Variants in CCDC18 observed in about 807,000 individuals in gnomAD.
The protein encoded by CCDC18 is coiled-coil domain containing 18, also known as coiled-coil domain-containing protein 18.
CCDC18 carries 157 observed loss-of-function variants against 196.0 expected under a neutral mutation model. The observed-to-expected ratio is 0.80, with a 90% CI of 0.70 to 0.91. The LOEUF is 0.91. Among genes scored for constraint, CCDC18 ranks in the 40% least tolerant of loss-of-function variants. The probability of loss-of-function intolerance (pLI) is 0.00; values close to 1 mark genes in which losing one functional copy is unlikely to be tolerated. For missense variants in CCDC18, 1,465 were observed against 1,611.6 expected (o/e 0.91, Z 1.56); for synonymous variants, 482 against 529.2 (o/e 0.91, Z 1.22).
intron 19 of CCDC18, among the ~76,000 whole-genome samples, chr1:93,238,825 G>A (rs1344748166): frequency 1.3e-5 from 2 of 152,128 alleles, no homozygotes; most frequent in Non-Finnish European, 2.9e-5. Context: ...GTAAAGCAGG[G>A]AAGTTGCACT....
intron 4 of CCDC18, chr1:93,191,203 A>G (rs1254012545): frequency 4.9e-6 from 2 of 407,918 alleles, no homozygotes; most frequent in Non-Finnish European, 4.6e-6. Flanking sequence ...ACCGTTTTAT[A>G]TTAATTCCCT....
upstream of CCDC18, chr1:93,180,107 C>T (rs749273556): frequency 6.2e-7 from 1 of 1,613,804 alleles, no homozygotes; most frequent in Non-Finnish European, 8.5e-7. Flanking sequence ...TAGAAGCACT[C>T]CTTCTGGCCG....
chr1:93,276,321 G>T (rs112019690), intron 28 of CCDC18, among the ~76,000 whole-genome samples: 1 of 152,088 alleles, frequency 6.6e-6, no homozygotes, highest in Non-Finnish European at 1.5e-5. Context: ...AAAAGCTTCA[G>T]AACTCAAAAA....
intron 11 of CCDC18, among the ~76,000 whole-genome samples, chr1:93,213,571 A>G (rs1376218797): frequency 2.0e-5 from 3 of 151,150 alleles, no homozygotes; most frequent in Non-Finnish European, 4.4e-5. Context: ...TTGTATTTTC[A>G]TTTTCATTCA....
chr1:93,188,922 C>T (rs1651219294), intron 4 of CCDC18, among the ~76,000 whole-genome samples: 1 of 152,112 alleles, frequency 6.6e-6, no homozygotes, highest in Non-Finnish European at 1.5e-5. Context: ...ATAATAATCG[C>T]ATCATGGAGA....
At chr1:93,270,256 G>C in intron 27 of CCDC18, 91 bp from the exon 28 acceptor site, 1 of 741,054 alleles carries the variant, frequency 1.3e-6, no homozygotes, top group Middle Eastern at 2.4e-4. Flanking sequence ...TGGGACAAAG[G>C]TTGACTTTCT....
rs1650079640 is a variant in CCDC18, at chr1:93,183,447, T to C, written c.86T>C (p.Leu29Pro). Residue 29 changes from leucine to proline, a missense_variant, in exon 2 of 29, where the codon CTG becomes CCG. Transcript: ENST00000690025. ...LANVASLRHELKITEWSLQSL... is the reference protein window; with the variant it reads ...LANVASLRHEPKITEWSLQSL... ...AATGTTGCTTCCTTAAGACATGAAC[T>C]GAAGATAACAGAATGGAGTTTGCAG... The C allele has an allele frequency of 2.5e-6, 4 of 1,607,586 alleles. No individual in the cohort carries two copies. Among genetic ancestry groups the C allele is most frequent in the African/African-American group, 1.3e-5 (1 of 74,732 alleles).
intron 14 of CCDC18, among the ~76,000 whole-genome samples, chr1:93,220,973 T>C (rs1657346593): frequency 6.6e-6 from 1 of 152,258 alleles, no homozygotes; most frequent in Non-Finnish European, 1.5e-5. Flanking sequence ...TTCCTTTTTA[T>C]GGCTGCATAG....
At chr1:93,255,181 G>C (rs1662792326) in intron 24 of CCDC18, among the ~76,000 whole-genome samples, 1 of 151,992 alleles carries the variant, frequency 6.6e-6, no homozygotes, top group Non-Finnish European at 1.5e-5. Context: ...TTGAACTCCT[G>C]ACCTTGTGAT....
chr1:93,229,382 C>G (rs1356241261), intron 17 of CCDC18, among the ~76,000 whole-genome samples: 1 of 152,300 alleles, frequency 6.6e-6, no homozygotes, highest in African/African-American at 2.4e-5. Flanking sequence ...AGAGAAAATT[C>G]TTTCTAATGT....
chr1:93,193,678 A>C lies in CCDC18; in HGVS notation c.632A>C (p.Gln211Pro), dbSNP rs768064214. 6.3e-7 allele frequency: 1 copy of C among 1,591,994 alleles called. No individual in the cohort carries two copies. Among genetic ancestry groups the C allele is most frequent in the East Asian group, 2.3e-5 (1 of 43,292 alleles). Residue 211 changes from glutamine to proline, a missense_variant, in exon 6 of 29, where the codon CAG becomes CCG. Gln to Pro is a moderately conservative substitution (Grantham distance 76). Coordinates refer to ENST00000690025, the MANE Select transcript of CCDC18 (RefSeq NM_001378204.1). ...KMVIEKEQSL[Q>P]ESKEECIKLK... ...GTAATTGAAAAGGAACAGAGTTTGC[A>C]GGAGTCCAAAGAGGAATGTATAAAA...
chr1:93,180,495 G>A (rs1477142733), upstream of CCDC18: 20 of 1,527,436 alleles, frequency 1.3e-5, no homozygotes, highest in Admixed American at 3.9e-4. Flanking sequence ...AGGCGTGAGC[G>A]CCGCCCGCCT....
intron 12 of CCDC18, among the ~76,000 whole-genome samples, chr1:93,215,460 T>A (rs935308349): frequency 6.6e-6 from 1 of 151,316 alleles, no homozygotes; most frequent in Non-Finnish European, 1.5e-5. Context: ...TTTTTCTTTT[T>A]TTTTTTTTTT....
rs541729091 is a variant in CCDC18 at position 93,239,963 on chromosome 1, T to C, written c.2981+67T>C. The C allele has an allele frequency of 2.6e-6, 3 of 1,133,526 alleles. No individual in the cohort carries two copies. In the African/African-American group the frequency reaches 4.7e-5, roughly 18 times the overall value. 70.2% of individuals were successfully genotyped at this position (1,133,526 alleles called of 1,614,324 possible). A position where few individuals can be genotyped will look rare whatever the true frequency, so the allele number is the denominator to read the frequency against. ...TTGGATAATACAATAAAATATGTTGTTGCATTCTAGACGTCTAAATTTCTC... is the reference window on the plus strand; with the variant it reads ...TTGGATAATACAATAAAATATGTTGCTGCATTCTAGACGTCTAAATTTCTC... On this transcript the variant is annotated intron_variant, in intron 21 of 28. Coordinates refer to ENST00000690025, the MANE Select transcript of CCDC18 (RefSeq NM_001378204.1).
intron 3 of CCDC18, among the ~76,000 whole-genome samples, chr1:93,185,568 G>T (rs1650512186): frequency 6.6e-6 from 1 of 151,228 alleles, no homozygotes; most frequent in South Asian, 2.1e-4. Flanking sequence ...AGTGTATATT[G>T]TTCAAGTAAA....
rs1664948147 is a variant in CCDC18 at position 93,269,241 on chromosome 1, A to G, written c.3886-1106A>G. 2.3e-5 allele frequency among the ~76,000 whole-genome samples: 3 copies of G among 132,024 alleles called. No homozygotes were observed. In the South Asian group the frequency reaches 7.2e-4, roughly 32 times the overall value. 86.6% of individuals were successfully genotyped at this position (132,024 alleles called of 152,430 possible). A position where few individuals can be genotyped will look rare whatever the true frequency, so the allele number is the denominator to read the frequency against. ...AATCGAACAATGAGAACACTTGGAC[A>G]CAGGGTGGGGAACATCACACACTGG... On this transcript the variant is annotated intron_variant, in intron 27 of 28. Coordinates refer to ENST00000690025, the MANE Select transcript of CCDC18 (RefSeq NM_001378204.1).
At chr1:93,221,515 A>G (rs887983923) in intron 14 of CCDC18, 94 bp from the exon 15 acceptor site, 2 of 856,406 alleles carry the variant, frequency 2.3e-6, no homozygotes, top group Non-Finnish European at 3.3e-6. Flanking sequence ...ACAAAAATCT[A>G]TGTAATTTCA....
rs1431853513 is a variant in CCDC18 at position 93,193,820 on chromosome 1, A to AT, written c.698+81dup. On this transcript the variant is annotated intron_variant, in intron 6 of 28. Transcript: ENST00000690025. ...TATTACCTATTTAAAATTCTAGTTA[A>AT]TTTTTGAAGTGAAAAAATTTCAGAG... 1.3e-5 allele frequency: 15 copies of AT among 1,181,336 alleles called. No individual in the cohort carries two copies. In the African/African-American group the frequency reaches 2.4e-4, roughly 19 times the overall value. 73.2% of individuals were successfully genotyped at this position (1,181,336 alleles called of 1,614,324 possible).
At chr1:93,264,432 T>C (rs1469277059) in intron 26 of CCDC18, among the ~76,000 whole-genome samples, 1 of 152,192 alleles carries the variant, frequency 6.6e-6, no homozygotes, top group Non-Finnish European at 1.5e-5. Context: ...GTCTCAAAAA[T>C]GTCTTTATAG....
Sources: allele counts gnomAD v4.1 joint callset (sites outside exome capture counted in the v4.1 genomes callset), GRCh38; gene constraint gnomAD v4.1.1; transcripts MANE v1.5; gene names NCBI Gene and HGNC (gene_info 2026-07-23, HGNC 2026-07-21).